ST3GAL2: variants seen among roughly 807,000 people sequenced by gnomAD.
ST3GAL2 encodes the protein ST3 beta-galactoside alpha-2,3-sialyltransferase 2.
ST3GAL2 carries 16 observed loss-of-function variants against 37.5 expected under a neutral mutation model. The observed-to-expected ratio is 0.43, with a 90% CI of 0.29 to 0.65. ST3GAL2 has a LOEUF of 0.65. Among genes scored for constraint, ST3GAL2 ranks in the 30% least tolerant of loss-of-function variants. The pLI is 0.17. For missense variants in ST3GAL2, 383 were observed against 487.8 expected, an observed-to-expected ratio of 0.79 and a Z score of 2.02; for synonymous variants, 238 against 202.9, an observed-to-expected ratio of 1.17 and a Z score of -1.47.
At chr16:70,382,738 A>C (rs1446230927) in intron 6 of ST3GAL2, 67 bp downstream of exon 6, 21 of 1,602,870 alleles carry the variant, frequency 1.3e-5, no homozygotes, top group Non-Finnish European at 1.1e-5. Flanking sequence ...TAGCCTGCTA[A>C]GACCCGAGAA....
rs748026587 is a variant in ST3GAL2 at position 70,381,798 on chromosome 16, C to T, written c.944G>A (p.Arg315Gln). ...GNWHHYWENN[R>Q]YAGEFRKTGV... ...AGTCTTCCGGAACTCGCCCGCGTAC[C>T]GGTTGTTCTCCCAGTAGTGGTGCCA... The change falls in exon 7 of 7, where the codon CGG becomes CAG. Residue 315 changes from arginine (R) to glutamine (Q), a missense_variant. Physicochemically the swap from Arg to Gln is conservative, Grantham distance 43 (BLOSUM62 1). Around this residue, in one of 2 missense-constraint regions of ST3GAL2, gnomAD observed 160 missense variants for 248.6 expected, o/e 0.64. Transcript: ENST00000342907. 6.8e-6 allele frequency: 11 copies of T among 1,613,958 alleles called. No homozygotes were observed. In the African/African-American group the frequency reaches 9.3e-5, roughly 14 times the overall value.
chr16:70,406,026 A>C (rs1241862344), intron 1 of ST3GAL2, among the ~76,000 whole-genome samples: 1 of 150,850 alleles, frequency 6.6e-6, no homozygotes, highest in East Asian at 2.0e-4. Context: ...ATGCCACTGC[A>C]CTCCGGCCTG....
At chr16:70,437,256 C>T (rs975050082) in intron 1 of ST3GAL2, among the ~76,000 whole-genome samples, 3 of 152,234 alleles carry the variant, frequency 2.0e-5, no homozygotes, top group African/African-American at 7.2e-5. Context: ...AACACCCACA[C>T]AGACAGTTGG....
rs1309039052 is a variant in ST3GAL2, at chr16:70,377,478, T to TGA, written c.*4209_*4210dup. The TGA allele has an allele frequency of 8.5e-6, 1 of 117,626 alleles. No individual in the cohort carries two copies. The highest frequency in any genetic ancestry group is 1.6e-5 in the Non-Finnish European group (1 of 61,860). 7.3% of individuals were successfully genotyped at this position (117,626 alleles called of 1,614,324 possible). ...CTGGGCAATGGAGAGAGACTCCATC[T>TGA]GAAAAAAAAAAAAAAAAAAGAGAAA... On this transcript the variant is annotated 3_prime_UTR_variant, in exon 7 of 7. Coordinates refer to ENST00000342907, the MANE Select transcript of ST3GAL2 (RefSeq NM_006927.4).
chr16:70,415,274 G>A (rs964232411), intron 1 of ST3GAL2, among the ~76,000 whole-genome samples: 2 of 151,964 alleles, frequency 1.3e-5, no homozygotes, highest in East Asian at 1.9e-4. Context: ...CCACCCCCCC[G>A]CCACAATGCA....
intron 1 of ST3GAL2, among the ~76,000 whole-genome samples, chr16:70,410,103 T>C (rs778330785): frequency 9.2e-5 from 14 of 151,960 alleles, no homozygotes; most frequent in Non-Finnish European, 1.0e-4. Flanking sequence ...CCTGATGCTG[T>C]TGTTGTTTTC....
rs1217063241 is a variant in ST3GAL2, at chr16:70,381,722, C to T, written c.1020G>A (p.Lys340=). 1.2e-6 allele frequency: 2 copies of T among 1,614,030 alleles called. No homozygotes were observed. ...FEAHIIDMLA[K]ASKIEVYRGN ...CCCGGTAGACTTCGATCTTGCTGGC[C>T]TTGGCCAGCATGTCGATGATGTGGG... Residue 340 remains lysine (K), a synonymous_variant, in exon 7 of 7, where the codon AAG becomes AAA. Transcript: ENST00000342907.
rs1344988697 is a variant in ST3GAL2 at position 70,378,789 on chromosome 16, A to C, written c.*2900T>G. ...GGCGGGCAGATCACCTGAGGTCTGG[A>C]GTTCAAGACTAGCCTGACCAACATG... is the stretch of plus-strand genomic sequence containing the variant. On this transcript the variant is annotated 3_prime_UTR_variant, in exon 7 of 7. Transcript: ENST00000342907. 1 of 152,206 alleles carries C rather than the reference A, an allele frequency of 6.6e-6. No individual in the cohort carries two copies. The highest frequency in any genetic ancestry group is 2.4e-5 in the African/African-American group (1 of 41,406). The allele number at this position is 152,206 out of a possible 1,614,324, so 9.4% of individuals were successfully genotyped here.
At chr16:70,428,842 T>C (rs1479378455) in intron 1 of ST3GAL2, among the ~76,000 whole-genome samples, 1 of 152,108 alleles carries the variant, frequency 6.6e-6, no homozygotes, top group Non-Finnish European at 1.5e-5. Flanking sequence ...CCCAGATCAG[T>C]CTGATTCCAC....
chr16:70,420,259 C>G (rs568968896), intron 1 of ST3GAL2, among the ~76,000 whole-genome samples: 1 of 151,960 alleles, frequency 6.6e-6, no homozygotes, highest in Non-Finnish European at 1.5e-5. Context: ...TATGGCAGTT[C>G]GTGGGCTAAA....
chr16:70,435,379 T>C (rs1269944932), intron 1 of ST3GAL2, among the ~76,000 whole-genome samples: 2 of 152,156 alleles, frequency 1.3e-5, no homozygotes, highest in Non-Finnish European at 2.9e-5. Flanking sequence ...GCGGATCACC[T>C]GAGGTCAGGA....
In ST3GAL2 at chr16:70,381,517, C is replaced by T; in HGVS notation, c.*172G>A. 1 of 742,144 alleles carries T rather than the reference C, an allele frequency of 1.3e-6. No individual in the cohort carries two copies. Among genetic ancestry groups the T allele is most frequent in the Non-Finnish European group, 2.1e-6 (1 of 469,394 alleles). The allele number at this position is 742,144 out of a possible 1,614,324, so 46.0% of individuals were successfully genotyped here. ...TGGGAGAAACAGAAGCTCCGCCCGA[C>T]CGCAGCGCAGATTGGTGCCAGGCCC... On this transcript the variant is annotated 3_prime_UTR_variant, in exon 7 of 7. Coordinates refer to ENST00000342907, the MANE Select transcript of ST3GAL2 (RefSeq NM_006927.4).
intron 1 of ST3GAL2, among the ~76,000 whole-genome samples, chr16:70,410,370 C>T (rs1567673029): frequency 6.7e-6 from 1 of 149,748 alleles, no homozygotes; most frequent in Non-Finnish European, 1.5e-5. Context: ...CCTGCCTCAG[C>T]CTCCCCCGTA....
At chr16:70,414,983 C>T (rs2047665592) in intron 1 of ST3GAL2, among the ~76,000 whole-genome samples, 1 of 152,152 alleles carries the variant, frequency 6.6e-6, no homozygotes, top group South Asian at 2.1e-4. Context: ...ATGCCATTCT[C>T]CTGCGTCAGC....
intron 1 of ST3GAL2, among the ~76,000 whole-genome samples, chr16:70,409,794 G>A (rs550023879): frequency 6.7e-6 from 1 of 149,556 alleles, no homozygotes; most frequent in South Asian, 2.1e-4. Flanking sequence ...TACGCCACCA[G>A]ACCTGGCTAA....
chr16:70,433,278 T>C (rs566446296), intron 1 of ST3GAL2, among the ~76,000 whole-genome samples: 41 of 152,094 alleles, frequency 2.7e-4, no homozygotes, highest in African/African-American at 9.4e-4. Flanking sequence ...TCTATCTAGT[T>C]CTCCATCTCC....
rs2047592895 is a variant in ST3GAL2 at position 70,406,461 on chromosome 16, AGATTAT to A, written c.-1003-6934_-1003-6929del. ...AGGAGGTGGAGGTTGCAATGAGCCG[AGATTAT>A]GCCACTGCACTCCAGCCTGGGCTGG... On this transcript the variant is annotated intron_variant, in intron 1 of 6. Coordinates refer to ENST00000342907, the MANE Select transcript of ST3GAL2 (RefSeq NM_006927.4). Among the ~76,000 whole-genome samples, 7 of 152,102 alleles carry A rather than the reference AGATTAT, an allele frequency of 4.6e-5. No homozygotes were observed. In the South Asian group the frequency reaches 1.5e-3, roughly 32 times the overall value.
chr16:70,391,058 C>T (rs1334024439), intron 3 of ST3GAL2, among the ~76,000 whole-genome samples: 3 of 152,174 alleles, frequency 2.0e-5, no homozygotes, highest in African/African-American at 7.2e-5. Context: ...CCAGCACAAA[C>T]ATTCCCTGTC....
At chr16:70,435,142 C>T (rs1251965972) in intron 1 of ST3GAL2, among the ~76,000 whole-genome samples, 1 of 152,148 alleles carries the variant, frequency 6.6e-6, no homozygotes, top group Non-Finnish European at 1.5e-5. Context: ...CCTAAATTTC[C>T]TGCTTGGTTG....
Sources: allele counts gnomAD v4.1 joint callset (sites outside exome capture counted in the v4.1 genomes callset), GRCh38; gene constraint gnomAD v4.1.1; regional missense constraint gnomAD v4.1.1; transcripts MANE v1.5; gene names NCBI Gene and HGNC (gene_info 2026-07-23, HGNC 2026-07-21).